HEATR3: variants seen among roughly 807,000 people sequenced by gnomAD.
The protein encoded by HEATR3 is HEAT repeat-containing protein 3.
A neutral mutation model predicts 72.8 loss-of-function variants in HEATR3; 56 were observed. The ratio of observed to expected loss-of-function variants is 0.77; its 90% CI spans 0.62 to 0.96. HEATR3 has a LOEUF of 0.96. Ranked by LOEUF, HEATR3 falls within the 40% of genes least tolerant of loss-of-function variation. The pLI is 0.00. For missense variants in HEATR3, 747 were observed against 831.4 expected, an observed-to-expected ratio of 0.90 and a Z score of 1.25; for synonymous variants, 331 against 318.1, an observed-to-expected ratio of 1.04 and a Z score of -0.43.
In HEATR3 at chr16:50,105,411, G is replaced by A; in HGVS notation, c.*350G>A. Reference sequence around the variant, plus strand: ...TGGGAGACAGAGGTTGCAGTGAGCTGAGATCACGCTACTGCACTCCAGCCT... The same window carrying A: ...TGGGAGACAGAGGTTGCAGTGAGCTAAGATCACGCTACTGCACTCCAGCCT... On this transcript the variant is annotated 3_prime_UTR_variant, in exon 15 of 15. Coordinates refer to ENST00000299192, the MANE Select transcript of HEATR3 (RefSeq NM_182922.4). 6 of 223,420 alleles carry A rather than the reference G, an allele frequency of 2.7e-5. No individual in the cohort carries two copies. Among genetic ancestry groups the A allele is most frequent in the South Asian group, 5.0e-5 (1 of 20,196 alleles). 13.8% of individuals were successfully genotyped at this position (223,420 alleles called of 1,614,324 possible).
chr16:50,078,594 T>C (rs1023401407), intron 6 of HEATR3, 147 bp from the exon 7 acceptor site: 19 of 742,678 alleles, frequency 2.6e-5, no homozygotes, highest in Non-Finnish European at 3.9e-5. Context: ...GCAGAACTCA[T>C]TGATATTTAA....
chr16:50,073,031 A>G, intron 5 of HEATR3: 1 of 268,204 alleles, frequency 3.7e-6, no homozygotes, highest in South Asian at 4.8e-5. Flanking sequence ...AAGAAACAGT[A>G]ACGCACAACT....
At chr16:50,094,294 G>T (rs2037182207) in intron 11 of HEATR3, among the ~76,000 whole-genome samples, 1 of 152,326 alleles carries the variant, frequency 6.6e-6, no homozygotes, top group East Asian at 1.9e-4. Context: ...GCTAAGCAGT[G>T]GGCTTGGGTT....
chr16:50,082,575 CTT>C (rs967382468), intron 7 of HEATR3, among the ~76,000 whole-genome samples: 5 of 139,276 alleles, frequency 3.6e-5, no homozygotes, highest in Admixed American at 7.2e-5. Flanking sequence ...TAGCAATTTG[CTT>C]TTTTTTTTTT....
At chr16:50,086,696 G>A (rs556704429) in intron 11 of HEATR3, among the ~76,000 whole-genome samples, 1 of 152,236 alleles carries the variant, frequency 6.6e-6, no homozygotes, top group South Asian at 2.1e-4. Flanking sequence ...TTGGGAGGCC[G>A]AGGCGGGAGG....
At chr16:50,092,855 G>A (rs921775437) in intron 11 of HEATR3, among the ~76,000 whole-genome samples, 1 of 152,216 alleles carries the variant, frequency 6.6e-6, no homozygotes, top group Non-Finnish European at 1.5e-5. Context: ...CGTGGAGTTT[G>A]CATTCTAGTA....
Position 50,083,912 on chromosome 16 carries a change from ATTTAC to A in HEATR3, c.1042-21_1042-17del, listed in dbSNP as rs750942558. ...TTTTCCCAACCATTGAGAGTTGGTC[ATTTAC>A]TTTTTTTTTTTTTTTTAAGCCCACT... On this transcript the variant is annotated intron_variant, in intron 7 of 14. Transcript: ENST00000299192. 45 of 1,474,656 alleles carry A rather than the reference ATTTAC, an allele frequency of 3.1e-5. No homozygotes were observed. The East Asian group carries it at 1.1e-3, about 35-fold the overall frequency. The allele number at this position is 1,474,656 out of a possible 1,614,324, so 91.3% of individuals were successfully genotyped here.
rs2037367266 is a variant in HEATR3, at chr16:50,101,607, G to A, written c.1744-652G>A. On this transcript the variant is annotated intron_variant, in intron 13 of 14. Transcript: ENST00000299192. ...ACCACGTGGTTATTCTCACCTCCTG[G>A]ATCAGTTGTCCAATATAGTGTCCAA... 2.0e-5 allele frequency among the ~76,000 whole-genome samples: 3 copies of A among 152,090 alleles called. No individual in the cohort carries two copies. In the South Asian group the frequency reaches 6.2e-4, roughly 32 times the overall value.
intron 10 of HEATR3, among the ~76,000 whole-genome samples, chr16:50,085,078 A>G (rs1027483796): frequency 1.1e-4 from 16 of 152,148 alleles, no homozygotes; most frequent in Non-Finnish European, 1.5e-5. Flanking sequence ...TATTTTGTTC[A>G]GGGATGCATA....
chr16:50,073,650 CTT>C (rs1296025770), intron 5 of HEATR3: 3 of 152,046 alleles, frequency 2.0e-5, no homozygotes, highest in East Asian at 1.9e-4. Context: ...TGATAGGTGA[CTT>C]AATCTCAGAG....
At chr16:50,077,929 T>C (rs905027280) in intron 6 of HEATR3, among the ~76,000 whole-genome samples, 3 of 129,784 alleles carry the variant, frequency 2.3e-5, no homozygotes, top group Admixed American at 9.9e-5. Context: ...CAGGCTGGAG[T>C]GCAGTGGCAA....
intron 11 of HEATR3, among the ~76,000 whole-genome samples, chr16:50,091,358 T>A (rs2037105675): frequency 6.6e-6 from 1 of 151,584 alleles, no homozygotes; most frequent in South Asian, 2.1e-4. Context: ...TCCCAGCTAC[T>A]TGGGAGGCTG....
intron 7 of HEATR3, among the ~76,000 whole-genome samples, chr16:50,079,595 A>G (rs2036820728): frequency 6.6e-6 from 1 of 152,154 alleles, no homozygotes; most frequent in Non-Finnish European, 1.5e-5. Context: ...TGCAGGAAGC[A>G]TTTCAGCTGA....
Position 50,066,193 on chromosome 16 carries a change from A to G in HEATR3, c.62A>G (p.Gln21Arg). ...RPQFSPTGDCQAEAAAAANGT... is the reference protein window; with the variant it reads ...RPQFSPTGDCRAEAAAAANGT... The stretch of plus-strand genomic sequence containing the variant: ...CAGTTCTCCCCTACGGGCGACTGTC[A>G]GGCCGAGGCGGCTGCGGCGGCGAAT... The change falls in exon 1 of 15, where the codon CAG becomes CGG. Residue 21 changes from glutamine to arginine, a missense_variant. By Grantham distance (43) the Gln-to-Arg change is conservative. Coordinates refer to ENST00000299192, the MANE Select transcript of HEATR3 (RefSeq NM_182922.4). 6.3e-7 allele frequency: 1 copy of G among 1,588,434 alleles called. No individual in the cohort carries two copies. The highest frequency in any genetic ancestry group is 8.6e-7 in the Non-Finnish European group (1 of 1,168,872).
intron 12 of HEATR3, among the ~76,000 whole-genome samples, chr16:50,099,185 G>A (rs1292847768): frequency 6.6e-6 from 1 of 152,114 alleles, no homozygotes; most frequent in Non-Finnish European, 1.5e-5. Context: ...CCATGTGGCT[G>A]TTGGATGGAC....
chr16:50,076,625 C>T (rs2036735219), intron 6 of HEATR3, among the ~76,000 whole-genome samples: 1 of 152,060 alleles, frequency 6.6e-6, no homozygotes, highest in East Asian at 1.9e-4. Flanking sequence ...GCAGCCTCCA[C>T]CTCCTGGGCT....
At chr16:50,100,480 A>G in intron 13 of HEATR3, 107 bp downstream of exon 13, 1 of 1,115,914 alleles carries the variant, frequency 9.0e-7, no homozygotes, top group South Asian at 1.4e-5. Flanking sequence ...AGAAGAAGTC[A>G]TATCAAGTTG....
chr16:50,093,209 G>T (rs11642695), intron 11 of HEATR3, among the ~76,000 whole-genome samples: 4 of 152,014 alleles, frequency 2.6e-5, no homozygotes, highest in Non-Finnish European at 5.9e-5. Context: ...ACCTAAAAGT[G>T]GGGGATCGGA....
chr16:50,083,337 C>T (rs2036913001), intron 7 of HEATR3, among the ~76,000 whole-genome samples: 2 of 151,702 alleles, frequency 1.3e-5, no homozygotes, highest in African/African-American at 2.4e-5. Context: ...TTTAAGTTGG[C>T]GTTATATATT....
Sources: allele counts gnomAD v4.1 joint callset (sites outside exome capture counted in the v4.1 genomes callset), GRCh38; gene constraint gnomAD v4.1.1; transcripts MANE v1.5; gene names NCBI Gene and HGNC (gene_info 2026-07-23, HGNC 2026-07-21).